Variants in DNAH12 observed in about 807,000 individuals in gnomAD.
The protein encoded by DNAH12 is dynein axonemal heavy chain 12.
In DNAH12, 285 loss-of-function variants were observed where a neutral mutation model predicts 371.5. The ratio of observed to expected loss-of-function variants is 0.77; its 90% CI spans 0.70 to 0.85. The LOEUF is 0.85. Ranked by LOEUF, DNAH12 falls within the 40% of genes least tolerant of loss-of-function variation. The pLI, the probability that DNAH12 is intolerant of heterozygous loss-of-function variation, is 0.00. For missense variants in DNAH12, 3,611 were observed against 3,689.4 expected, an observed-to-expected ratio of 0.98 and a Z score of 0.55; for synonymous variants, 1,200 against 1,213.0, an observed-to-expected ratio of 0.99 and a Z score of 0.22.
At chr3:57,323,369 A>G in intron 63 of DNAH12, 100 bp downstream of exon 63, 2 of 1,473,278 alleles carry the variant, frequency 1.4e-6, no homozygotes, top group Non-Finnish European at 1.8e-6. Flanking sequence ...TTCTCTGTAA[A>G]TATCAGATTT....
chr3:57,470,896 G>T (rs941676124), intron 15 of DNAH12, among the ~76,000 whole-genome samples: 1 of 152,058 alleles, frequency 6.6e-6, no homozygotes, highest in African/African-American at 2.4e-5. Context: ...TAGTAGAGAC[G>T]GGGTTTTGCC....
At chr3:57,509,050 T>C (rs2067885195) in intron 6 of DNAH12, 90 bp downstream of exon 6, 2 of 1,141,204 alleles carry the variant, frequency 1.8e-6, no homozygotes, top group Middle Eastern at 4.6e-4. Flanking sequence ...CCTTTGAGCA[T>C]CACAATTGTA....
intron 56 of DNAH12, among the ~76,000 whole-genome samples, chr3:57,367,580 A>G: frequency 6.6e-6 from 1 of 152,206 alleles, no homozygotes. Flanking sequence ...TTATAAACAG[A>G]AAGATATTAG....
intron 69 of DNAH12, 36 bp from the exon 70 acceptor site, chr3:57,301,975 A>G (rs2061357888): frequency 6.6e-7 from 1 of 1,525,448 alleles, no homozygotes; most frequent in Non-Finnish European, 8.9e-7. Flanking sequence ...AACATATATG[A>G]TGATATCAAC....
intron 55 of DNAH12, among the ~76,000 whole-genome samples, chr3:57,369,361 A>ATAT (rs2063124052): frequency 3.8e-5 from 3 of 78,796 alleles, no homozygotes; most frequent in African/African-American, 7.6e-5. Context: ...TAAATAAATA[A>ATAT]ATATATATAA....
At chr3:57,484,630 C>A (rs2066865325) in intron 12 of DNAH12, among the ~76,000 whole-genome samples, 1 of 151,892 alleles carries the variant, frequency 6.6e-6, no homozygotes, top group Admixed American at 6.6e-5. Context: ...TTGGCTTAGG[C>A]AAAGAATCCA....
intron 30 of DNAH12, among the ~76,000 whole-genome samples, chr3:57,434,432 G>A (rs192751061): frequency 2.0e-5 from 3 of 152,204 alleles, no homozygotes; most frequent in African/African-American, 4.8e-5. Context: ...TGGTCATGAC[G>A]AGCAGGGCTG....
At chr3:57,491,075 C>CT (rs2067102906) in intron 11 of DNAH12, among the ~76,000 whole-genome samples, 1 of 58,010 alleles carries the variant, frequency 1.7e-5, no homozygotes, top group Non-Finnish European at 3.2e-5. Flanking sequence ...GAGCGAGACT[C>CT]TATCTCAAAA....
chr3:57,311,024 A>C, intron 66 of DNAH12, 74 bp from the exon 67 acceptor site: 1 of 1,044,394 alleles, frequency 9.6e-7, no homozygotes. Context: ...GTATGTATCT[A>C]TCTATCTAGA....
chr3:57,471,969 A>G (rs148639629), intron 14 of DNAH12, among the ~76,000 whole-genome samples: 1 of 152,292 alleles, frequency 6.6e-6, no homozygotes, highest in Non-Finnish European at 1.5e-5. Context: ...AAGAAATTGA[A>G]TCTTATGGAA....
chr3:57,518,006 A>T (rs1010638192), intron 4 of DNAH12, among the ~76,000 whole-genome samples: 30 of 152,112 alleles, frequency 2.0e-4, no homozygotes, highest in African/African-American at 6.8e-4. Flanking sequence ...GTAAGCCAAG[A>T]TCACTCCCCT....
chr3:57,334,852 T>G lies in DNAH12; in HGVS notation c.9763A>C (p.Thr3255Pro). 6.4e-7 allele frequency: 1 copy of G among 1,552,002 alleles called. No individual in the cohort carries two copies. The highest frequency in any genetic ancestry group is 8.7e-7 in the Non-Finnish European group (1 of 1,147,058). Residue 3255 changes from threonine (T) to proline (P), a missense_variant, in exon 61 of 74, where the codon ACT (threonine) becomes CCT (proline). Thr to Pro is a conservative substitution (Grantham distance 38). Transcript: ENST00000495027. ...TCCCAGCTTTTGTCCTGTAGCCAAG[T>G]TGGATCAGGATTTTTCTCAGCACTT... ...LKSAEKNPDP[T>P]WLQDKSWEEI...
At chr3:57,418,535 G>T (rs548243925) in intron 37 of DNAH12, among the ~76,000 whole-genome samples, 81 of 141,866 alleles carry the variant, frequency 5.7e-4, no homozygotes, top group Non-Finnish European at 4.5e-4. Flanking sequence ...GTGAGACCCT[G>T]TCTCAAAAAA....
intron 50 of DNAH12, among the ~76,000 whole-genome samples, chr3:57,380,775 C>T (rs969789093): frequency 6.6e-6 from 1 of 152,128 alleles, no homozygotes; most frequent in Non-Finnish European, 1.5e-5. Context: ...TAATCACATA[C>T]TTTCAAAATA....
intron 55 of DNAH12, among the ~76,000 whole-genome samples, chr3:57,373,541 G>C (rs1237163690): frequency 6.6e-6 from 1 of 151,340 alleles, no homozygotes. Flanking sequence ...GACCAGGCTG[G>C]TCTTGAACTC....
intron 62 of DNAH12, among the ~76,000 whole-genome samples, chr3:57,331,903 C>A (rs2062106938): frequency 6.6e-6 from 1 of 152,108 alleles, no homozygotes; most frequent in Non-Finnish European, 1.5e-5. Flanking sequence ...TCATACCCTG[C>A]CATCTCCCAG....
At chr3:57,343,061 G>A (rs887419734) in intron 60 of DNAH12, among the ~76,000 whole-genome samples, 1 of 150,310 alleles carries the variant, frequency 6.7e-6, no homozygotes, top group African/African-American at 2.5e-5. Flanking sequence ...GACAGAGTGA[G>A]ACTCTGTCTC....
At chr3:57,517,317 A>AT (rs1421961067) in intron 4 of DNAH12, among the ~76,000 whole-genome samples, 1 of 152,168 alleles carries the variant, frequency 6.6e-6, no homozygotes, top group Admixed American at 6.5e-5. Context: ...ATAAGGGCTT[A>AT]TATGTCCATC....
At chr3:57,318,300 G>A (rs766054549) in intron 65 of DNAH12, among the ~76,000 whole-genome samples, 1 of 152,224 alleles carries the variant, frequency 6.6e-6, no homozygotes, top group Admixed American at 6.5e-5. Flanking sequence ...AATCTTACAT[G>A]TAAGTCTTTA....
Sources: allele counts gnomAD v4.1 joint callset (sites outside exome capture counted in the v4.1 genomes callset), GRCh38; gene constraint gnomAD v4.1.1; transcripts MANE v1.5; gene names NCBI Gene and HGNC (gene_info 2026-07-23, HGNC 2026-07-21).